The following PHF21A variants were observed in gnomAD, a reference collection of about 807,000 sequenced individuals.
PHF21A encodes PHD finger protein 21A, also known as BHC80a.
Under a neutral mutation model 82.5 loss-of-function variants are expected in PHF21A, and 11 were observed. That is an observed-to-expected ratio of 0.13 (90% CI 0.08 to 0.22). The LOEUF is 0.22. PHF21A is among the 10% of genes least tolerant of loss of function. The pLI is 1.00. For missense variants in PHF21A, 579 were observed against 837.8 expected (o/e 0.69, Z 3.81); for synonymous variants, 297 against 302.8 (o/e 0.98, Z 0.20).
At chr11:46,012,114 A>ATCC (rs1236880114) in intron 6 of PHF21A, among the ~76,000 whole-genome samples, 1 of 152,220 alleles carries the variant, frequency 6.6e-6, no homozygotes, top group East Asian at 1.9e-4. Flanking sequence ...ACCGGAAAGA[A>ATCC]TCCTTCAACC....
At chr11:46,073,086 T>C (rs2096673487) in intron 6 of PHF21A, among the ~76,000 whole-genome samples, 1 of 152,122 alleles carries the variant, frequency 6.6e-6, no homozygotes, top group African/African-American at 2.4e-5. Flanking sequence ...CCCAGCACTT[T>C]GGGAGGCCGA....
chr11:46,062,628 C>T (rs761353711), intron 6 of PHF21A, among the ~76,000 whole-genome samples: 1 of 152,066 alleles, frequency 6.6e-6, no homozygotes, highest in Non-Finnish European at 1.5e-5. Flanking sequence ...TTAGCAGCTT[C>T]CCTTAAATAT....
intron 6 of PHF21A, among the ~76,000 whole-genome samples, chr11:45,981,415 A>C (rs1041224463): frequency 2.7e-5 from 4 of 146,780 alleles, no homozygotes; most frequent in East Asian, 4.9e-4. Flanking sequence ...AAAAAAAAAA[A>C]AAAACTATAT....
At chr11:45,999,299 T>A (rs1248602272) in intron 6 of PHF21A, among the ~76,000 whole-genome samples, 2 of 152,222 alleles carry the variant, frequency 1.3e-5, no homozygotes, top group Admixed American at 1.3e-4. Flanking sequence ...GAAACTTTTT[T>A]GAGATTAAAA....
Position 46,107,929 on chromosome 11 carries a change from A to T in PHF21A, c.-237+13006T>A, listed in dbSNP as rs911220474. 7.2e-4 allele frequency among the ~76,000 whole-genome samples: 110 copies of T among 152,194 alleles called. 1 individual carries two copies. Among genetic ancestry groups the T allele is most frequent in the African/African-American group, 2.6e-3 (109 of 41,536 alleles). On this transcript the variant is annotated intron_variant, in intron 1 of 18. Coordinates refer to ENST00000676320, the MANE Select transcript of PHF21A (RefSeq NM_001352027.3). ...GTGGTTGAGTGAGTAGGGATAGGTGATGGGGATGAGGTCAGCCCACACTAC... is the reference window on the plus strand; with the variant it reads ...GTGGTTGAGTGAGTAGGGATAGGTGTTGGGGATGAGGTCAGCCCACACTAC...
intron 6 of PHF21A, among the ~76,000 whole-genome samples, chr11:46,075,699 C>T (rs1319329426): frequency 6.6e-6 from 1 of 152,206 alleles, no homozygotes; most frequent in Non-Finnish European, 1.5e-5. Context: ...GTTGTTCACT[C>T]AGCTTGGAAG....
chr11:45,933,846 C>T lies in PHF21A; in HGVS notation c.*122G>A. Reference sequence around the variant, plus strand: ...CCTGGCACAAGCATCTTCTCTCTCTCTGGAACCAAAGAACCAAAAGAATTC... The same window carrying T: ...CCTGGCACAAGCATCTTCTCTCTCTTTGGAACCAAAGAACCAAAAGAATTC... On this transcript the variant is annotated 3_prime_UTR_variant, in exon 19 of 19. Transcript: ENST00000676320. The T allele has an allele frequency of 1.0e-6, 1 of 988,896 alleles. No homozygotes were observed. The highest frequency in any genetic ancestry group is 2.1e-5 in the South Asian group (1 of 47,488). The allele number at this position is 988,896 out of a possible 1,614,324, so 61.3% of individuals were successfully genotyped here. A position where few individuals can be genotyped will look rare whatever the true frequency, so the allele number is the denominator to read the frequency against.
At chr11:46,034,408 T>A (rs2095943504) in intron 6 of PHF21A, among the ~76,000 whole-genome samples, 1 of 152,250 alleles carries the variant, frequency 6.6e-6, no homozygotes, top group South Asian at 2.1e-4. Context: ...TTCTCTTCTT[T>A]CTTTTATCCT....
chr11:45,942,678 G>C (rs1191797428), intron 15 of PHF21A, among the ~76,000 whole-genome samples: 2 of 152,180 alleles, frequency 1.3e-5, no homozygotes, highest in Non-Finnish European at 2.9e-5. Context: ...CCTGTCAAGA[G>C]AACAGAATTC....
intron 6 of PHF21A, among the ~76,000 whole-genome samples, chr11:46,009,305 A>G (rs2095364839): frequency 6.6e-6 from 1 of 151,914 alleles, no homozygotes; most frequent in African/African-American, 2.4e-5. Flanking sequence ...TCTGTTCATG[A>G]TGTTCCCTGG....
chr11:45,979,142 G>A (rs546916873), intron 7 of PHF21A, among the ~76,000 whole-genome samples: 12 of 151,886 alleles, frequency 7.9e-5, no homozygotes, highest in African/African-American at 2.2e-4. Context: ...TCAGCCTGCC[G>A]AGTAGCTGGG....
rs78076847 is a variant in PHF21A, at chr11:46,076,470, T to A, written c.153+284A>T. ...ATTCTCACTAACTGCCTTTACCCCATCCCCTATAGGTAAACTATAGAGTTT... is the reference window on the plus strand; with the variant it reads ...ATTCTCACTAACTGCCTTTACCCCAACCCCTATAGGTAAACTATAGAGTTT... On this transcript the variant is annotated intron_variant, in intron 6 of 18. Transcript: ENST00000676320. Among the ~76,000 whole-genome samples, 1,045 of 152,224 alleles carry A rather than the reference T, an allele frequency of 6.9e-3. 10 individuals are homozygous for A. The highest frequency in any genetic ancestry group is 0.024 in the African/African-American group (990 of 41,526).
At chr11:46,000,296 C>T (rs1450456042) in intron 6 of PHF21A, among the ~76,000 whole-genome samples, 3 of 152,184 alleles carry the variant, frequency 2.0e-5, no homozygotes, top group Non-Finnish European at 4.4e-5. Context: ...AATATATTCT[C>T]TCACCTCTAG....
intron 6 of PHF21A, among the ~76,000 whole-genome samples, chr11:46,014,464 A>G (rs575485017): frequency 1.3e-5 from 2 of 152,356 alleles, no homozygotes; most frequent in East Asian, 3.9e-4. Flanking sequence ...ATAGTGTGGC[A>G]ATGAACATAC....
intron 6 of PHF21A, among the ~76,000 whole-genome samples, chr11:46,020,106 AC>A (rs2095600498): frequency 6.6e-6 from 1 of 152,112 alleles, no homozygotes; most frequent in Admixed American, 6.5e-5. Context: ...GTTAATGACC[AC>A]CAGTAAATGG....
intron 7 of PHF21A, among the ~76,000 whole-genome samples, chr11:45,972,650 G>A (rs911367737): frequency 3.3e-5 from 5 of 151,852 alleles, no homozygotes; most frequent in African/African-American, 7.3e-5. Flanking sequence ...GCGGTGGCTC[G>A]TGCCTGTAAT....
At chr11:45,978,300 C>CA (rs1451911077) in intron 7 of PHF21A, among the ~76,000 whole-genome samples, 1 of 151,236 alleles carries the variant, frequency 6.6e-6, no homozygotes, top group Non-Finnish European at 1.5e-5. Flanking sequence ...GACTCCGTCT[C>CA]AAAAAAACAA....
chr11:46,085,355 T>C (rs2096844162), intron 3 of PHF21A, among the ~76,000 whole-genome samples: 2 of 152,292 alleles, frequency 1.3e-5, no homozygotes, highest in African/African-American at 2.4e-5. Flanking sequence ...GTGGAGATAA[T>C]GTCAAAAGTC....
intron 15 of PHF21A, among the ~76,000 whole-genome samples, chr11:45,942,439 A>G (rs900884560): frequency 2.0e-5 from 3 of 152,220 alleles, no homozygotes; most frequent in Non-Finnish European, 2.9e-5. Context: ...CAAGAGGCCA[A>G]TGAGCTGGTG....
Sources: allele counts gnomAD v4.1 joint callset (sites outside exome capture counted in the v4.1 genomes callset), GRCh38; gene constraint gnomAD v4.1.1; transcripts MANE v1.5; gene names NCBI Gene and HGNC (gene_info 2026-07-23, HGNC 2026-07-21).